Variants in RORA observed in about 807,000 individuals in gnomAD.
The protein encoded by RORA is RAR related orphan receptor A, also known as nuclear receptor ROR-alpha.
In RORA, 7 loss-of-function variants were observed where a neutral mutation model predicts 69.5. The observed-to-expected ratio is 0.10, with a 90% CI of 0.06 to 0.19. The LOEUF (loss-of-function observed/expected upper bound fraction) is 0.19, where lower values mean the gene tolerates loss of function less well. Ranked by LOEUF, RORA falls within the 10% of genes least tolerant of loss-of-function variation. The pLI, the probability that RORA is intolerant of heterozygous loss-of-function variation, is 1.00. For synonymous variants in RORA, 261 were observed against 240.8 expected, an observed-to-expected ratio of 1.08 and a Z score of -0.78; for missense variants, 457 against 663.0, an observed-to-expected ratio of 0.69 and a Z score of 3.41.
At chr15:61,013,625 G>A (rs1296636611) in intron 1 of RORA, among the ~76,000 whole-genome samples, 1 of 151,992 alleles carries the variant, frequency 6.6e-6, no homozygotes, top group African/African-American at 2.4e-5. Context: ...AATTTCTCTT[G>A]TTGCCTTTGT....
chr15:60,977,109 T>G, intron 1 of RORA, among the ~76,000 whole-genome samples: 1 of 93,698 alleles, frequency 1.1e-5, no homozygotes, highest in African/African-American at 5.4e-5. Flanking sequence ...CAAAACTGAT[T>G]GGAGGGAAAA....
At chr15:60,796,889 C>G (rs341426) in intron 1 of RORA, among the ~76,000 whole-genome samples, 148 of 151,878 alleles carry the variant, frequency 9.7e-4, no homozygotes, top group African/African-American at 3.5e-3. Context: ...CAGGCTACAT[C>G]CTGGATGACC....
intron 1 of RORA, among the ~76,000 whole-genome samples, chr15:60,826,790 T>TCTC (rs1423429144): frequency 1.8e-4 from 20 of 108,872 alleles, no homozygotes; most frequent in East Asian, 7.0e-4. Context: ...TCTCTCTCTC[T>TCTC]TTTTTTTTTA....
intron 1 of RORA, among the ~76,000 whole-genome samples, chr15:60,765,915 A>C (rs987169884): frequency 1.3e-5 from 2 of 151,500 alleles, no homozygotes; most frequent in African/African-American, 4.9e-5. Context: ...AGTGAGAAGA[A>C]TAAACAAAAA....
intron 2 of RORA, among the ~76,000 whole-genome samples, chr15:60,663,823 G>T (rs549850679): frequency 1.3e-5 from 2 of 152,312 alleles, no homozygotes; most frequent in East Asian, 3.9e-4. Context: ...ACGATATGTA[G>T]ATGATTGGTC....
chr15:61,046,821 G>GAAGT (rs1233399333), intron 1 of RORA, among the ~76,000 whole-genome samples: 1 of 152,142 alleles, frequency 6.6e-6, no homozygotes, highest in Non-Finnish European at 1.5e-5. Flanking sequence ...GTGTCAACCT[G>GAAGT]AAGTAAGGTT....
chr15:60,958,007 C>T (rs928524473), intron 1 of RORA, among the ~76,000 whole-genome samples: 1 of 151,360 alleles, frequency 6.6e-6, no homozygotes, highest in Non-Finnish European at 1.5e-5. Flanking sequence ...AATAATTAGC[C>T]AACTGCTTTG....
At chr15:61,095,814 G>A (rs1168320223) in intron 1 of RORA, among the ~76,000 whole-genome samples, 2 of 152,156 alleles carry the variant, frequency 1.3e-5, no homozygotes, top group African/African-American at 4.8e-5. Context: ...AGCCCATACA[G>A]GCCCTGAACA....
At chr15:60,592,729 G>T in intron 2 of RORA, 6 of 1,096,274 alleles carry the variant, frequency 5.5e-6, no homozygotes, top group Non-Finnish European at 6.7e-6. Context: ...GGCTCTGCTG[G>T]CCCACCCCGG....
intron 10 of RORA, 58 bp downstream of exon 10, chr15:60,499,834 C>G: frequency 1.1e-6 from 1 of 912,272 alleles, no homozygotes; most frequent in Non-Finnish European, 1.7e-6. Context: ...ATATTGGCAG[C>G]ATGATTTGTG....
chr15:61,177,703 A>G (rs994694963), intron 1 of RORA, among the ~76,000 whole-genome samples: 1 of 152,132 alleles, frequency 6.6e-6, no homozygotes, highest in African/African-American at 2.4e-5. Flanking sequence ...ATAATCCCGT[A>G]TAACCCGAGC....
chr15:60,815,595 C>T lies in RORA; in HGVS notation c.167-136909G>A, dbSNP rs112451711. Among the ~76,000 whole-genome samples the T allele has an allele frequency of 1.7e-3, 264 of 152,080 alleles. 4 individuals are homozygous for T. The highest frequency in any genetic ancestry group is 6.1e-3 in the African/African-American group (252 of 41,462). On this transcript the variant is annotated intron_variant, in intron 1 of 10. Transcript: ENST00000335670. ...GAGAAAAGATAAGCAGACCCAGCTTCCCCCACTGCAGCCAGAGCCAGGTGC... is the reference window on the plus strand; with the variant it reads ...GAGAAAAGATAAGCAGACCCAGCTTTCCCCACTGCAGCCAGAGCCAGGTGC...
chr15:60,966,431 T>A (rs1196893703), intron 1 of RORA, among the ~76,000 whole-genome samples: 7 of 152,212 alleles, frequency 4.6e-5, no homozygotes. Flanking sequence ...ACCAATGTGA[T>A]TCATTTCTGT....
chr15:60,942,270 T>C (rs1047776884), intron 1 of RORA, among the ~76,000 whole-genome samples: 1 of 152,158 alleles, frequency 6.6e-6, no homozygotes, highest in Non-Finnish European at 1.5e-5. Context: ...TGAGTTTATG[T>C]CTCAAGGCCA....
chr15:61,216,819 T>C (rs1489040098), intron 1 of RORA, among the ~76,000 whole-genome samples: 2 of 152,200 alleles, frequency 1.3e-5, no homozygotes, highest in Non-Finnish European at 2.9e-5. Flanking sequence ...GAGGGATTAA[T>C]GAATTTACCT....
intron 1 of RORA, among the ~76,000 whole-genome samples, chr15:60,776,794 A>T (rs535569910): frequency 6.6e-6 from 1 of 152,222 alleles, no homozygotes. Context: ...CCGTCTTTGG[A>T]TTTATGCAGT....
At chr15:60,717,792 T>TTC (rs1249795939) in intron 1 of RORA, among the ~76,000 whole-genome samples, 1 of 124,414 alleles carries the variant, frequency 8.0e-6, no homozygotes, top group Non-Finnish European at 1.6e-5. Flanking sequence ...TTTTTTCTTT[T>TTC]TCTCTTTTTT....
intron 1 of RORA, among the ~76,000 whole-genome samples, chr15:60,802,959 A>ATTT (rs1567196691): frequency 4.0e-5 from 6 of 151,868 alleles, no homozygotes; most frequent in East Asian, 3.9e-4. Flanking sequence ...TTCTTTTTTA[A>ATTT]AAAAAAAAAT....
intron 1 of RORA, among the ~76,000 whole-genome samples, chr15:60,835,249 A>G (rs1197425223): frequency 6.6e-6 from 1 of 152,214 alleles, no homozygotes; most frequent in Non-Finnish European, 1.5e-5. Context: ...CCTAAAGGAG[A>G]TCAGGCTTGG....
Sources: allele counts gnomAD v4.1 joint callset (sites outside exome capture counted in the v4.1 genomes callset), GRCh38; gene constraint gnomAD v4.1.1; transcripts MANE v1.5; gene names NCBI Gene and HGNC (gene_info 2026-07-23, HGNC 2026-07-21).